The following FGD5 variants were observed in gnomAD, a reference collection of about 807,000 sequenced individuals.
FGD5 encodes FYVE, RhoGEF and PH domain containing 5.
Under a neutral mutation model 133.4 loss-of-function variants are expected in FGD5, and 28 were observed. The observed-to-expected ratio is 0.21, with a 90% CI of 0.16 to 0.29. The LOEUF is 0.29. FGD5 is among the 10% of genes least tolerant of loss of function. FGD5 has a pLI of 1.00. For synonymous variants in FGD5, 810 were observed against 776.5 expected, an observed-to-expected ratio of 1.04 and a Z score of -0.72; for missense variants, 1,858 against 1,895.2, an observed-to-expected ratio of 0.98 and a Z score of 0.36.
At chr3:14,912,506 C>A (rs563464475) in intron 11 of FGD5, among the ~76,000 whole-genome samples, 1 of 152,268 alleles carries the variant, frequency 6.6e-6, no homozygotes, top group East Asian at 1.9e-4. Flanking sequence ...GTTTCAAAGC[C>A]CCCACAGATG....
chr3:14,837,082 A>G (rs1053774998), intron 1 of FGD5, among the ~76,000 whole-genome samples: 5 of 152,170 alleles, frequency 3.3e-5, no homozygotes, highest in African/African-American at 1.2e-4. Context: ...GTGAGAGTTC[A>G]AGCCCCAAGC....
At chr3:14,927,197 G>A (rs984113697) in intron 18 of FGD5, among the ~76,000 whole-genome samples, 5 of 152,228 alleles carry the variant, frequency 3.3e-5, no homozygotes, top group African/African-American at 4.8e-5. Context: ...TTGGGTACCC[G>A]GTAAGCTGCA....
intron 1 of FGD5, among the ~76,000 whole-genome samples, chr3:14,838,972 T>C (rs1306229790): frequency 2.6e-5 from 4 of 152,206 alleles, no homozygotes; most frequent in Admixed American, 2.0e-4. Context: ...TTTGGGGTCT[T>C]AGGAATACAC....
At chr3:14,912,971 G>C (rs539151917) in intron 11 of FGD5, among the ~76,000 whole-genome samples, 131 of 152,166 alleles carry the variant, frequency 8.6e-4, no homozygotes, top group African/African-American at 3.1e-3. Context: ...AGGAGGTGGG[G>C]GTTGCAGTGA....
At chr3:14,916,070 G>A (rs972118621) in intron 11 of FGD5, among the ~76,000 whole-genome samples, 2 of 152,230 alleles carry the variant, frequency 1.3e-5, no homozygotes, top group Admixed American at 6.5e-5. Context: ...GACTCCCCTG[G>A]TTCATGTTGG....
chr3:14,864,396 GA>G, intron 2 of FGD5, 136 bp downstream of exon 2: 1 of 1,378,112 alleles, frequency 7.3e-7, no homozygotes, highest in South Asian at 1.3e-5. Flanking sequence ...CAGGGGCTGA[GA>G]CACGCAGCAT....
intron 18 of FGD5, among the ~76,000 whole-genome samples, chr3:14,930,430 T>C (rs959542497): frequency 6.6e-6 from 1 of 152,130 alleles, no homozygotes; most frequent in Non-Finnish European, 1.5e-5. Flanking sequence ...ACCCCGTCTC[T>C]ACTAAAAATA....
intron 13 of FGD5, among the ~76,000 whole-genome samples, chr3:14,921,645 G>C (rs980219570): frequency 6.6e-6 from 1 of 152,158 alleles, no homozygotes; most frequent in Admixed American, 6.5e-5. Flanking sequence ...GTGGTTCCAC[G>C]TCCCACATCT....
chr3:14,840,972 C>T (rs1027884881), intron 1 of FGD5, among the ~76,000 whole-genome samples: 17 of 152,182 alleles, frequency 1.1e-4, no homozygotes, highest in Non-Finnish European at 1.9e-4. Context: ...TCAGCAGACA[C>T]AGCAGTAGCA....
intron 1 of FGD5, among the ~76,000 whole-genome samples, chr3:14,862,718 T>C (rs944284335): frequency 6.6e-6 from 1 of 152,216 alleles, no homozygotes; most frequent in African/African-American, 2.4e-5. Context: ...GGTTGAGTCG[T>C]GGCTCAACCT....
intron 9 of FGD5, among the ~76,000 whole-genome samples, chr3:14,905,974 G>A (rs908317870): frequency 6.6e-6 from 1 of 152,034 alleles, no homozygotes; most frequent in Admixed American, 6.6e-5. Flanking sequence ...CAGGGCAGTC[G>A]GGTCAGTCCA....
At chr3:14,892,367 A>C (rs994347061) in intron 4 of FGD5, among the ~76,000 whole-genome samples, 1 of 151,650 alleles carries the variant, frequency 6.6e-6, no homozygotes, top group Non-Finnish European at 1.5e-5. Context: ...ATGCCTGGAG[A>C]ATTTTTTATA....
chr3:14,842,873 G>A (rs1018805815), intron 1 of FGD5, among the ~76,000 whole-genome samples: 14 of 152,178 alleles, frequency 9.2e-5, no homozygotes, highest in African/African-American at 2.9e-4. Context: ...GGTGGTGGGT[G>A]GACAGAAAGG....
intron 1 of FGD5, among the ~76,000 whole-genome samples, chr3:14,847,488 A>G (rs1467675077): frequency 6.6e-6 from 1 of 152,108 alleles, no homozygotes; most frequent in African/African-American, 2.4e-5. Flanking sequence ...AGGTCTGGAG[A>G]CTCAGAGTCT....
At chr3:14,862,421 G>A (rs1000914306) in intron 1 of FGD5, among the ~76,000 whole-genome samples, 3 of 152,172 alleles carry the variant, frequency 2.0e-5, no homozygotes, top group Non-Finnish European at 2.9e-5. Context: ...TGCCGAACAG[G>A]TGAGTTGTCC....
chr3:14,933,858 C>T lies in FGD5; in HGVS notation c.*691C>T, dbSNP rs1447152270. Reference sequence around the variant, plus strand: ...GAAGGGGAGGATTTTCTCCTCCAGTCGACCTTGTGACCTGTATACTAACAT... The same window carrying T: ...GAAGGGGAGGATTTTCTCCTCCAGTTGACCTTGTGACCTGTATACTAACAT... On this transcript the variant is annotated 3_prime_UTR_variant, in exon 20 of 20. Transcript: ENST00000285046. 6.5e-6 allele frequency: 1 copy of T among 152,880 alleles called. No individual in the cohort carries two copies. Among genetic ancestry groups the T allele is most frequent in the Non-Finnish European group, 1.5e-5 (1 of 68,498 alleles). 9.5% of individuals were successfully genotyped at this position (152,880 alleles called of 1,614,324 possible). A position where few individuals can be genotyped will look rare whatever the true frequency, so the allele number is the denominator to read the frequency against.
chr3:14,918,899 A>G, intron 13 of FGD5, 66 bp downstream of exon 13: 1 of 1,533,432 alleles, frequency 6.5e-7, no homozygotes, highest in South Asian at 1.1e-5. Flanking sequence ...GTTCAGAACA[A>G]CAGATAAGGA....
In FGD5 at chr3:14,820,045, G is replaced by C; in HGVS notation, c.974G>C (p.Cys325Ser). 1 of 1,614,040 alleles carries C rather than the reference G, an allele frequency of 6.2e-7. No individual in the cohort carries two copies. Among genetic ancestry groups the C allele is most frequent in the East Asian group, 2.2e-5 (1 of 44,884 alleles). The change falls in exon 1 of 20, where the codon TGC becomes TCC. Residue 325 changes from cysteine (C) to serine (S), a missense_variant. By Grantham distance (112) the Cys-to-Ser change is moderately radical. Around this residue, in one of 3 missense-constraint regions of FGD5, gnomAD observed 1,824 missense variants for 1,848.9 expected, o/e 0.99. Transcript: ENST00000285046. Reference protein sequence around the residue: ...HAQDESAEESCQIVPFENDCM... With the variant: ...HAQDESAEESSQIVPFENDCM... ...CAGGATGAGTCCGCCGAGGAGAGCTGCCAGATTGTCCCTTTTGAGAATGAC... is the reference window on the plus strand; with the variant it reads ...CAGGATGAGTCCGCCGAGGAGAGCTCCCAGATTGTCCCTTTTGAGAATGAC...
chr3:14,844,003 G>T (rs536165796), intron 1 of FGD5, among the ~76,000 whole-genome samples: 5 of 149,748 alleles, frequency 3.3e-5, no homozygotes, highest in Non-Finnish European at 7.4e-5. Flanking sequence ...CTCCCAGGGC[G>T]CTTTTCTAAC....
Sources: gnomAD v4.1 joint callset for allele counts (sites outside exome capture counted in the v4.1 genomes callset) on GRCh38, gnomAD v4.1.1 for gene constraint, gnomAD v4.1.1 regional missense constraint, MANE v1.5 for transcripts, NCBI Gene and HGNC (gene_info 2026-07-23, HGNC 2026-07-21) for gene names.